The following SPOCK3 variants were observed in gnomAD, a reference collection of about 807,000 sequenced individuals.
SPOCK3 encodes SPARC (osteonectin), cwcv and kazal like domains proteoglycan 3, also known as testican-3.
Under a neutral mutation model 56.6 loss-of-function variants are expected in SPOCK3, and 30 were observed. The observed-to-expected ratio is 0.53, with a 90% CI of 0.40 to 0.72. SPOCK3 has a LOEUF of 0.72. Among genes scored for constraint, SPOCK3 ranks in the 30% least tolerant of loss-of-function variants. The probability of loss-of-function intolerance (pLI) is 0.00; values close to 1 mark genes in which losing one functional copy is unlikely to be tolerated. For missense variants in SPOCK3, 527 were observed against 530.0 expected (o/e 0.99, Z 0.06); for synonymous variants, 196 against 183.3 (o/e 1.07, Z -0.56).
intron 7 of SPOCK3, among the ~76,000 whole-genome samples, chr4:166,776,698 G>A (rs1560845766): frequency 6.6e-6 from 1 of 152,098 alleles, no homozygotes; most frequent in Admixed American, 6.5e-5. Flanking sequence ...CAAGGACTAA[G>A]TTAAGGAAAA....
chr4:167,047,956 G>A (rs1305819868), intron 3 of SPOCK3, among the ~76,000 whole-genome samples: 1 of 152,130 alleles, frequency 6.6e-6, no homozygotes, highest in Non-Finnish European at 1.5e-5. Flanking sequence ...TGAGCCAGGA[G>A]AATTAATTGC....
rs552630271 is a variant in SPOCK3 at position 167,210,953 on chromosome 4, T to G, written c.189+23032A>C. On this transcript the variant is annotated intron_variant, in intron 2 of 10. Coordinates refer to ENST00000357545, the MANE Select transcript of SPOCK3 (RefSeq NM_001040159.2). ...TAGATCCTGCATATTTTGGAAAACATGCTTAATCTAAATGTGGTTTAATTG... is the reference window on the plus strand; with the variant it reads ...TAGATCCTGCATATTTTGGAAAACAGGCTTAATCTAAATGTGGTTTAATTG... Among the ~76,000 whole-genome samples, 3 of 152,344 alleles carry G rather than the reference T, an allele frequency of 2.0e-5. No homozygotes were observed. The East Asian group carries it at 5.8e-4, about 29-fold the overall frequency.
intron 9 of SPOCK3, among the ~76,000 whole-genome samples, chr4:166,738,683 T>C (rs1218883610): frequency 1.4e-4 from 19 of 137,240 alleles, no homozygotes; most frequent in African/African-American, 4.9e-4. Flanking sequence ...TGTGTTCTCA[T>C]TGTTCAATTC....
intron 6 of SPOCK3, among the ~76,000 whole-genome samples, chr4:166,798,192 A>T (rs1225487172): frequency 6.6e-6 from 1 of 152,226 alleles, no homozygotes; most frequent in Non-Finnish European, 1.5e-5. Context: ...ACTTTTTATC[A>T]GTACTTTAGA....
At chr4:166,737,036 G>A (rs1267843874) in intron 10 of SPOCK3, among the ~76,000 whole-genome samples, 1 of 152,032 alleles carries the variant, frequency 6.6e-6, no homozygotes, top group Admixed American at 6.6e-5. Flanking sequence ...CTTTAAAAAG[G>A]TTTGTATTTC....
chr4:166,741,948 G>C (rs764083587), intron 9 of SPOCK3, 49 bp downstream of exon 9: 1 of 1,256,332 alleles, frequency 8.0e-7, no homozygotes, highest in South Asian at 1.2e-5. Context: ...TTTCCCTGGG[G>C]TTATTTATGT....
At chr4:167,078,200 CT>C (rs1757372063) in intron 2 of SPOCK3, among the ~76,000 whole-genome samples, 1 of 151,708 alleles carries the variant, frequency 6.6e-6, no homozygotes, top group Admixed American at 6.6e-5. Flanking sequence ...ATAAAGAAAT[CT>C]AGAAACTACA....
At chr4:167,032,194 G>T (rs540139516) in intron 3 of SPOCK3, among the ~76,000 whole-genome samples, 22 of 151,920 alleles carry the variant, frequency 1.4e-4, no homozygotes, top group Non-Finnish European at 2.9e-4. Flanking sequence ...TTGAGAGAGG[G>T]GTAGTATATG....
At chr4:167,109,435 A>G (rs1217093076) in intron 2 of SPOCK3, among the ~76,000 whole-genome samples, 1 of 104,554 alleles carries the variant, frequency 9.6e-6, no homozygotes, top group Non-Finnish European at 1.8e-5. Context: ...ATATATGATA[A>G]ATATATATTT....
At chr4:167,007,843 A>T (rs1415327183) in intron 3 of SPOCK3, among the ~76,000 whole-genome samples, 1 of 152,182 alleles carries the variant, frequency 6.6e-6, no homozygotes, top group Non-Finnish European at 1.5e-5. Context: ...GTGACAGGAC[A>T]GTGTTTAATT....
At chr4:166,774,917 T>A (rs1416113714) in intron 7 of SPOCK3, among the ~76,000 whole-genome samples, 1 of 152,180 alleles carries the variant, frequency 6.6e-6, no homozygotes, top group Non-Finnish European at 1.5e-5. Flanking sequence ...ATGTTAACAG[T>A]TTAAGTGCAA....
At chr4:166,784,580 C>T (rs1160100528) in intron 7 of SPOCK3, among the ~76,000 whole-genome samples, 1 of 152,040 alleles carries the variant, frequency 6.6e-6, no homozygotes, top group East Asian at 1.9e-4. Context: ...CTAATCTTCT[C>T]AAATATTTTG....
chr4:167,119,144 G>T (rs145881227), intron 2 of SPOCK3, among the ~76,000 whole-genome samples: 2 of 16,338 alleles, frequency 1.2e-4, no homozygotes, highest in Non-Finnish European at 2.2e-4. Context: ...GGGTGGGGGA[G>T]GGGGGGGAAC....
intron 6 of SPOCK3, among the ~76,000 whole-genome samples, chr4:166,840,253 A>G (rs1408668713): frequency 2.6e-5 from 4 of 152,152 alleles, no homozygotes; most frequent in African/African-American, 9.7e-5. Flanking sequence ...CCTACACAGC[A>G]TTTTTTCATA....
intron 6 of SPOCK3, among the ~76,000 whole-genome samples, chr4:166,811,907 C>A (rs536222203): frequency 1.4e-4 from 21 of 151,894 alleles, no homozygotes; most frequent in Admixed American, 3.9e-4. Context: ...TAGATTGAGA[C>A]TGCCTAGATT....
chr4:166,979,942 C>T (rs1746390308), intron 4 of SPOCK3, among the ~76,000 whole-genome samples: 1 of 152,154 alleles, frequency 6.6e-6, no homozygotes, highest in African/African-American at 2.4e-5. Flanking sequence ...CTCCCCTTCC[C>T]TTCAGTTCCT....
At chr4:166,835,867 G>C (rs889122865) in intron 6 of SPOCK3, among the ~76,000 whole-genome samples, 1 of 152,150 alleles carries the variant, frequency 6.6e-6, no homozygotes, top group African/African-American at 2.4e-5. Flanking sequence ...TTAGCCAGAT[G>C]TGGTGGTGCA....
chr4:167,123,565 GATGTTCCATGGTT>G (rs1762040558), intron 2 of SPOCK3, among the ~76,000 whole-genome samples: 1 of 151,894 alleles, frequency 6.6e-6, no homozygotes. Context: ...TCTGTACCAA[GATGTTCCATGGTT>G]CTAGGTTTGA....
At chr4:166,968,376 T>C (rs1238537713) in intron 4 of SPOCK3, among the ~76,000 whole-genome samples, 4 of 152,110 alleles carry the variant, frequency 2.6e-5, no homozygotes, top group African/African-American at 9.7e-5. Flanking sequence ...CGTGGCAGCC[T>C]CTCCCATCAC....
Sources: gnomAD v4.1 joint callset for allele counts (sites outside exome capture counted in the v4.1 genomes callset) on GRCh38, gnomAD v4.1.1 for gene constraint, MANE v1.5 for transcripts, NCBI Gene and HGNC (gene_info 2026-07-23, HGNC 2026-07-21) for gene names.